Variants in KRT82 observed in about 807,000 individuals in gnomAD.
The protein encoded by KRT82 is keratin 82, also known as keratin, type II cuticular Hb2.
In KRT82, 44 loss-of-function variants were observed where a neutral mutation model predicts 48.0. The ratio of observed to expected loss-of-function variants is 0.92; its 90% CI spans 0.72 to 1.18. KRT82 has a LOEUF of 1.18. KRT82 is among the 50% of genes most tolerant of loss of function. KRT82 has a pLI of 0.00. For missense variants in KRT82, 701 were observed against 671.4 expected (o/e 1.04, Z -0.49); for synonymous variants, 297 against 278.3 (o/e 1.07, Z -0.67).
Position 52,396,178 on chromosome 12 carries a change from G to C in KRT82, c.1123C>G (p.Leu375Val), listed in dbSNP as rs140057608. ...GCCAGCTTGCACTTGGCATCATTGAGAGCCGCCTCGCCCTGCTGCTCTGCC... is the reference window on the plus strand; with the variant it reads ...GCCAGCTTGCACTTGGCATCATTGACAGCCGCCTCGCCCTGCTGCTCTGCC... ...AEAEQQGEAA[L>V]NDAKCKLAGL... The change falls in exon 7 of 9, where the codon CTC becomes GTC. Residue 375 changes from leucine (L) to valine (V), a missense_variant. Leu to Val is a conservative substitution (Grantham distance 32). Transcript: ENST00000257974. The C allele has an allele frequency of 8.7e-6, 14 of 1,614,064 alleles. No homozygotes were observed. In the African/African-American group the frequency reaches 1.9e-4, roughly 22 times the overall value.
chr12:52,399,920 G>A, intron 5 of KRT82, 65 bp downstream of exon 5: 3 of 1,536,454 alleles, frequency 2.0e-6, no homozygotes, highest in Non-Finnish European at 2.7e-6. Context: ...AAGGAGTCTG[G>A]GGGTCCTCCC....
intron 1 of KRT82, among the ~76,000 whole-genome samples, chr12:52,404,506 C>A (rs1038267996): frequency 1.3e-5 from 2 of 152,166 alleles, no homozygotes; most frequent in African/African-American, 4.8e-5. Context: ...CCTCCCTTTT[C>A]GTAAAGTGGA....
intron 1 of KRT82, among the ~76,000 whole-genome samples, chr12:52,405,057 G>A (rs528976873): frequency 1.8e-4 from 28 of 152,336 alleles, no homozygotes; most frequent in African/African-American, 6.7e-4. Context: ...CACCCCAAGA[G>A]CCTCCCTGGG....
intron 6 of KRT82, among the ~76,000 whole-genome samples, 153 bp downstream of exon 6, chr12:52,396,730 T>C (rs1939720816): frequency 6.6e-6 from 1 of 152,172 alleles, no homozygotes; most frequent in African/African-American, 2.4e-5. Context: ...AGCCCTTTGG[T>C]AGAAAGGGCT....
intron 1 of KRT82, among the ~76,000 whole-genome samples, chr12:52,404,612 C>T (rs369679711): frequency 3.3e-5 from 5 of 152,200 alleles, no homozygotes; most frequent in African/African-American, 1.2e-4. Flanking sequence ...GAATTTTCCA[C>T]ATCGTGCATT....
chr12:52,397,827 A>G (rs2121471980), intron 5 of KRT82, among the ~76,000 whole-genome samples: 1 of 152,280 alleles, frequency 6.6e-6, no homozygotes, highest in African/African-American at 2.4e-5. Context: ...CGGGCAGATC[A>G]TTTGAGGTCA....
intron 1 of KRT82, among the ~76,000 whole-genome samples, chr12:52,405,285 G>A (rs1224448183): frequency 6.6e-6 from 1 of 152,244 alleles, no homozygotes; most frequent in Non-Finnish European, 1.5e-5. Flanking sequence ...TGCAGATTCA[G>A]TTCAGCACCT....
chr12:52,396,834 A>C, intron 6 of KRT82, 49 bp downstream of exon 6: 1 of 1,609,330 alleles, frequency 6.2e-7, no homozygotes, highest in African/African-American at 1.3e-5. Context: ...CAGACTGGCC[A>C]GTCAGCCCAG....
At chr12:52,403,587 C>T in intron 2 of KRT82, 114 bp downstream of exon 2, 3 of 723,044 alleles carry the variant, frequency 4.1e-6, no homozygotes, top group South Asian at 3.4e-5. Flanking sequence ...AACTGTTCTG[C>T]CACCCAGTGA....
chr12:52,404,009 G>A, intron 1 of KRT82, 100 bp from the exon 2 acceptor site: 2 of 1,155,926 alleles, frequency 1.7e-6, no homozygotes, highest in South Asian at 3.0e-5. Context: ...CCCAACACAT[G>A]GCTACCAGTG....
At chr12:52,401,467 C>A (rs749962971) in intron 2 of KRT82, 118 bp from the exon 3 acceptor site, 12 of 947,586 alleles carry the variant, frequency 1.3e-5, no homozygotes, top group Non-Finnish European at 1.8e-5. Flanking sequence ...CTGGGGAGTG[C>A]CCAGGTCCAG....
In KRT82 at chr12:52,396,038, C is replaced by A. The variant is rs761946630; in HGVS notation, c.1263G>T (p.Arg421Ser). 2.5e-6 allele frequency: 4 copies of A among 1,614,092 alleles called. No homozygotes were observed. The South Asian group carries it at 3.3e-5, about 13-fold the overall frequency. Residue 421 changes from arginine to serine, a missense_variant, in exon 7 of 9, where the codon AGG (arginine) becomes AGT (serine). By Grantham distance (110) the Arg-to-Ser change is moderately radical. Coordinates refer to ENST00000257974, the MANE Select transcript of KRT82 (RefSeq NM_033033.4). ...TGTGCTCTTCACCCTCCAGCAGGCG[C>A]CTGTAGGTGGCGATCTCGATGTCCA... ...LGLDIEIATY[R>S]RLLEGEEHRL...
Position 52,400,120 on chromosome 12 carries a change from A to T in KRT82, c.807T>A (p.Ser269=), listed in dbSNP as rs756782398. The change falls in exon 5 of 9, where the codon TCT becomes TCA. Residue 269 remains serine, a synonymous_variant. Transcript: ENST00000257974. ...CCATCTTCACAATGACCGAGGTCTC[A>T]GAGATCTGAGACTGGAGCAGGCAGA... The part of the protein sequence containing the change: ...EEICLLQSQI[S]ETSVIVKMDN... The T allele has an allele frequency of 1.1e-5, 18 of 1,613,890 alleles. No individual in the cohort carries two copies. The highest frequency in any genetic ancestry group is 1.5e-5 in the Non-Finnish European group (18 of 1,179,870).
At chr12:52,401,178 C>G (rs990076923) in intron 3 of KRT82, 111 bp downstream of exon 3, 24 of 897,260 alleles carry the variant, frequency 2.7e-5, no homozygotes, top group Admixed American at 6.2e-5. Context: ...GCGAAAAACC[C>G]TTTTTCAGAG....
chr12:52,400,563 C>T lies in KRT82; in HGVS notation c.741G>A (p.Val247=), dbSNP rs1939775427. The change falls in exon 4 of 9, where the codon GTG becomes GTA. Residue 247 remains valine, a synonymous_variant. Transcript: ENST00000257974. ...GGCTTTTCAGGAAGTCGATCTCCTG[C>T]ACGAGTGCCTCTGCGTTGGTCTCCA... ...ADLETNAEAL[V]QEIDFLKSLY... is the part of the protein sequence containing the mutation. The T allele has an allele frequency of 1.9e-6, 3 of 1,614,040 alleles. No homozygotes were observed. The highest frequency in any genetic ancestry group is 2.7e-5 in the African/African-American group (2 of 74,934).
intron 5 of KRT82, among the ~76,000 whole-genome samples, chr12:52,399,110 T>G (rs963677219): frequency 5.3e-5 from 8 of 152,232 alleles, no homozygotes; most frequent in Non-Finnish European, 1.2e-4. Context: ...GGTGTTTTGG[T>G]TTGGGAAGCA....
Position 52,404,267 on chromosome 12 carries a change from A to G in KRT82, c.412-358T>C, listed in dbSNP as rs1226633915. 3.9e-5 allele frequency among the ~76,000 whole-genome samples: 6 copies of G among 152,032 alleles called. No homozygotes were observed. The East Asian group carries it at 7.7e-4, about 20-fold the overall frequency. The stretch of plus-strand genomic sequence containing the variant: ...CCTTCAAGCCTCACTTTGCTTCCCA[A>G]AGCTCCTACCTGGGACAGTGTATGG... On this transcript the variant is annotated intron_variant, in intron 1 of 8. Transcript: ENST00000257974.
chr12:52,394,935 ATGG>A lies in KRT82; in HGVS notation c.*37_*39del. 1 of 1,556,298 alleles carries A rather than the reference ATGG, an allele frequency of 6.4e-7. No homozygotes were observed. The highest frequency in any genetic ancestry group is 8.9e-7 in the Non-Finnish European group (1 of 1,128,168). ...TGGTGGGAGTGTGACATCCAGGGCC[ATGG>A]GGCAGGGGCTCTGTCTCCTGGATGT... On this transcript the variant is annotated 3_prime_UTR_variant, in exon 9 of 9. Coordinates refer to ENST00000257974, the MANE Select transcript of KRT82 (RefSeq NM_033033.4).
rs201473112 is a variant in KRT82 at position 52,396,044 on chromosome 12, G to T, written c.1257C>A (p.Thr419=). ...SKLGLDIEIA[T]YRRLLEGEEH... ...CTTCACCCTCCAGCAGGCGCCTGTA[G>T]GTGGCGATCTCGATGTCCAGGCCCA... is the stretch of plus-strand genomic sequence containing the variant. The change falls in exon 7 of 9, where the codon ACC becomes ACA. Residue 419 remains threonine, a synonymous_variant. Transcript: ENST00000257974. The T allele has an allele frequency of 3.7e-6, 6 of 1,614,140 alleles. No homozygotes were observed. In the East Asian group the frequency reaches 6.7e-5, roughly 18 times the overall value.
Sources: allele counts gnomAD v4.1 joint callset (sites outside exome capture counted in the v4.1 genomes callset), GRCh38; gene constraint gnomAD v4.1.1; transcripts MANE v1.5; gene names NCBI Gene and HGNC (gene_info 2026-07-23, HGNC 2026-07-21).